The following NEXMIF variants were observed in gnomAD, a reference collection of about 807,000 sequenced individuals.
NEXMIF encodes XLMR protein related to neurite extension.
Under a neutral mutation model 62.1 loss-of-function variants are expected in NEXMIF, and 8 were observed. That is an observed-to-expected ratio of 0.13 (90% CI 0.08 to 0.23). NEXMIF has a LOEUF of 0.23. NEXMIF is among the 10% of genes least tolerant of loss of function. The pLI is 1.00. For missense variants in NEXMIF, 976 were observed against 1,113.3 expected, an observed-to-expected ratio of 0.88 and a Z score of 1.75; for synonymous variants, 404 against 416.6, an observed-to-expected ratio of 0.97 and a Z score of 0.37.
chrX:74,922,153 C>A (rs942482974), intron 1 of NEXMIF, among the ~76,000 whole-genome samples: 1 of 111,687 alleles, frequency 9.0e-6, no homozygotes, highest in Non-Finnish European at 1.9e-5. Context: ...GCACTTTTCT[C>A]ATCTTCTCCC....
chrX:74,864,687 T>C (rs895563217), intron 1 of NEXMIF, among the ~76,000 whole-genome samples: 3 of 111,642 alleles, frequency 2.7e-5, no homozygotes, highest in African/African-American at 6.5e-5. Flanking sequence ...TTTTCCTTTA[T>C]AAATTACCCA....
At chrX:74,751,539 G>A (rs1342985613) in intron 1 of NEXMIF, among the ~76,000 whole-genome samples, 2 of 105,062 alleles carry the variant, frequency 1.9e-5, no homozygotes, top group Non-Finnish European at 3.9e-5. Context: ...CCAGGCTGGA[G>A]TGCAGTGGCA....
chrX:74,854,584 A>T (rs1418028231), intron 1 of NEXMIF, among the ~76,000 whole-genome samples: 1 of 111,919 alleles, frequency 8.9e-6, no homozygotes, highest in Non-Finnish European at 1.9e-5. Flanking sequence ...CAAAGCAATC[A>T]GGCAAGAGAA....
intron 1 of NEXMIF, among the ~76,000 whole-genome samples, chrX:74,796,239 TATATAC>T (rs1321679860): frequency 4.5e-4 from 27 of 59,805 alleles, no homozygotes; most frequent in African/African-American, 1.5e-3. Flanking sequence ...AATATATATA[TATATAC>T]ACATATATAT....
At chrX:74,764,993 T>C (rs1349154099) in intron 1 of NEXMIF, among the ~76,000 whole-genome samples, 1 of 111,618 alleles carries the variant, frequency 9.0e-6, no homozygotes, top group Non-Finnish European at 1.9e-5. Context: ...ACTTTTTGCC[T>C]TGATGATCTG....
chrX:74,864,339 G>A (rs778770119), intron 1 of NEXMIF, among the ~76,000 whole-genome samples: 3 of 112,044 alleles, frequency 2.7e-5, no homozygotes, highest in African/African-American at 9.7e-5. Context: ...CATCGTCTCA[G>A]CCCCAAAGCT....
intron 1 of NEXMIF, among the ~76,000 whole-genome samples, chrX:74,895,304 T>C (rs2080729542): frequency 9.0e-6 from 1 of 111,344 alleles, no homozygotes; most frequent in South Asian, 3.7e-4. Context: ...ATAAGAGAAA[T>C]TGAAAAGGAC....
chrX:74,747,905 G>T (rs2080130705), intron 1 of NEXMIF, among the ~76,000 whole-genome samples: 2 of 112,298 alleles, frequency 1.8e-5, no homozygotes, highest in South Asian at 7.4e-4. Context: ...ATGAGCAACT[G>T]TGTCTAGCCA....
intron 1 of NEXMIF, among the ~76,000 whole-genome samples, chrX:74,880,017 A>G (rs190877487): frequency 1.9e-3 from 211 of 112,259 alleles, no homozygotes; most frequent in Middle Eastern, 4.6e-3. Context: ...TTATGTATAC[A>G]TGTATAAACT....
intron 1 of NEXMIF, among the ~76,000 whole-genome samples, chrX:74,882,327 G>A (rs961976939): frequency 8.0e-5 from 9 of 111,994 alleles, no homozygotes; most frequent in South Asian, 3.7e-4. Flanking sequence ...TGCACCGTGC[G>A]TGAGTCGAAG....
intron 1 of NEXMIF, among the ~76,000 whole-genome samples, chrX:74,875,942 C>T (rs193091320): frequency 5.6e-4 from 62 of 110,894 alleles, no homozygotes; most frequent in African/African-American, 2.0e-3. Context: ...TTTCAAAAAA[C>T]CAGCTCCTAG....
intron 1 of NEXMIF, among the ~76,000 whole-genome samples, chrX:74,841,771 T>C (rs1198646788): frequency 2.7e-5 from 3 of 112,420 alleles, no homozygotes; most frequent in Non-Finnish European, 5.6e-5. Flanking sequence ...GTTTATGTGA[T>C]GAATCACATT....
At chrX:74,875,844 C>T (rs2080629518) in intron 1 of NEXMIF, among the ~76,000 whole-genome samples, 1 of 110,881 alleles carries the variant, frequency 9.0e-6, no homozygotes, top group Admixed American at 9.6e-5. Flanking sequence ...GGTGATATCC[C>T]CTTTATCATT....
chrX:74,905,879 G>A (rs1041719438), intron 1 of NEXMIF, among the ~76,000 whole-genome samples: 10 of 111,503 alleles, frequency 9.0e-5, no homozygotes, highest in South Asian at 3.7e-4. Flanking sequence ...AAAACAAAAC[G>A]TTGAACTATT....
In NEXMIF at chrX:74,872,947, G is replaced by T. The variant is rs761733651; in HGVS notation, c.-48+51936C>A. Among the ~76,000 whole-genome samples, 421 of 107,320 alleles carry T rather than the reference G, an allele frequency of 3.9e-3. 1 individual carries two copies. Among genetic ancestry groups the T allele is most frequent in the African/African-American group, 0.014 (402 of 29,725 alleles). 93.2% of individuals were successfully genotyped at this position (107,320 alleles called of 115,157 possible). The stretch of plus-strand genomic sequence containing the variant: ...TATTTTTTTATTTTTTATTTTTTTA[G>T]TTTTTATTTTTTTTAAAATTGTTTT... On this transcript the variant is annotated intron_variant, in intron 1 of 3. Transcript: ENST00000055682.
At chrX:74,831,002 GA>G (rs2080434882) in intron 1 of NEXMIF, among the ~76,000 whole-genome samples, 1 of 110,344 alleles carries the variant, frequency 9.1e-6, no homozygotes, top group East Asian at 2.9e-4. Context: ...TGCAAACAAG[GA>G]TACTTTGACT....
At chrX:74,791,377 G>T (rs1215627903) in intron 1 of NEXMIF, among the ~76,000 whole-genome samples, 2 of 111,438 alleles carry the variant, frequency 1.8e-5, no homozygotes, top group African/African-American at 6.5e-5. Context: ...GATTCGGTTT[G>T]CCAGTATTTT....
At chrX:74,886,064 T>C (rs1285409786) in intron 1 of NEXMIF, among the ~76,000 whole-genome samples, 7 of 111,950 alleles carry the variant, frequency 6.3e-5, no homozygotes, top group Non-Finnish European at 1.3e-4. Flanking sequence ...GTTATCTCAA[T>C]AGATGCAGAA....
chrX:74,803,591 T>C (rs1353254720), intron 1 of NEXMIF, among the ~76,000 whole-genome samples: 1 of 108,197 alleles, frequency 9.2e-6, no homozygotes, highest in East Asian at 2.9e-4. Context: ...AATAAATAAA[T>C]AAATAAATAA....
Sources: allele counts gnomAD v4.1 joint callset (sites outside exome capture counted in the v4.1 genomes callset), GRCh38; gene constraint gnomAD v4.1.1; transcripts MANE v1.5; gene names NCBI Gene and HGNC (gene_info 2026-07-23, HGNC 2026-07-21).